Variants in ANKS1B observed in about 807,000 individuals in gnomAD.
ANKS1B encodes ankyrin repeat and sterile alpha motif domain containing 1B.
ANKS1B carries 36 observed loss-of-function variants against 148.3 expected under a neutral mutation model. That is an observed-to-expected ratio of 0.24 (90% CI 0.19 to 0.32). The LOEUF (loss-of-function observed/expected upper bound fraction) is 0.32, where lower values mean the gene tolerates loss of function less well. Ranked by LOEUF, ANKS1B falls within the 10% of genes least tolerant of loss-of-function variation. The probability of loss-of-function intolerance (pLI) is 1.00; values close to 1 mark genes in which losing one functional copy is unlikely to be tolerated. For synonymous variants in ANKS1B, 542 were observed against 560.8 expected (o/e 0.97, Z 0.47); for missense variants, 1,157 against 1,542.6 (o/e 0.75, Z 4.19).
At chr12:99,924,212 C>G (rs1033165947) in intron 1 of ANKS1B, among the ~76,000 whole-genome samples, 1 of 152,000 alleles carries the variant, frequency 6.6e-6, no homozygotes, top group Admixed American at 6.6e-5. Flanking sequence ...TTTACAGAGA[C>G]AGTGAATACA....
At chr12:99,339,518 G>A (rs938303103) in intron 12 of ANKS1B, among the ~76,000 whole-genome samples, 1 of 152,166 alleles carries the variant, frequency 6.6e-6, no homozygotes, top group East Asian at 1.9e-4. Context: ...TATAAAGGTG[G>A]TTTCTTGTGT....
At chr12:99,940,344 T>C (rs2094888327) in intron 1 of ANKS1B, among the ~76,000 whole-genome samples, 1 of 152,046 alleles carries the variant, frequency 6.6e-6, no homozygotes, top group Non-Finnish European at 1.5e-5. Flanking sequence ...AACCTCTAGA[T>C]ACAATAAGGC....
At chr12:99,957,180 AC>A (rs977347763) in intron 1 of ANKS1B, among the ~76,000 whole-genome samples, 2 of 152,204 alleles carry the variant, frequency 1.3e-5, no homozygotes, top group African/African-American at 4.8e-5. Flanking sequence ...ACTAGAACAT[AC>A]CAGGTGCTTA....
At chr12:99,660,222 T>A (rs2098469655) in intron 8 of ANKS1B, among the ~76,000 whole-genome samples, 1 of 152,198 alleles carries the variant, frequency 6.6e-6, no homozygotes, top group Non-Finnish European at 1.5e-5. Flanking sequence ...TTTCCTAGCC[T>A]CGGTCCCACA....
intron 14 of ANKS1B, among the ~76,000 whole-genome samples, chr12:99,166,108 G>T (rs530742988): frequency 5.3e-5 from 8 of 151,540 alleles, no homozygotes; most frequent in Middle Eastern, 3.4e-3. Context: ...AAAATAGAAA[G>T]AAATTTCTTA....
chr12:99,718,380 C>G (rs536482949), intron 8 of ANKS1B, among the ~76,000 whole-genome samples: 1 of 152,222 alleles, frequency 6.6e-6, no homozygotes, highest in South Asian at 2.1e-4. Context: ...TATCCCCCCA[C>G]CTTAACCCAC....
At chr12:99,942,354 G>A (rs2094940655) in intron 1 of ANKS1B, among the ~76,000 whole-genome samples, 1 of 152,180 alleles carries the variant, frequency 6.6e-6, no homozygotes, top group Non-Finnish European at 1.5e-5. Flanking sequence ...AAATGTATTA[G>A]TGATATTTGA....
At chr12:99,911,292 C>T (rs1430065541) in intron 1 of ANKS1B, among the ~76,000 whole-genome samples, 1 of 152,114 alleles carries the variant, frequency 6.6e-6, no homozygotes, top group Non-Finnish European at 1.5e-5. Context: ...AATCCCAGAA[C>T]CAAAAGCTGA....
chr12:99,711,767 C>T (rs910909800), intron 8 of ANKS1B, among the ~76,000 whole-genome samples: 1 of 152,092 alleles, frequency 6.6e-6, no homozygotes, highest in Admixed American at 6.5e-5. Context: ...ATTAGTTCAA[C>T]CATTGTGGAA....
At chr12:99,095,604 A>T (rs944529839) in intron 15 of ANKS1B, among the ~76,000 whole-genome samples, 2 of 152,222 alleles carry the variant, frequency 1.3e-5, no homozygotes, top group Admixed American at 6.5e-5. Context: ...CATCTTTTGC[A>T]TCTAAGTTGC....
chr12:99,310,706 C>T (rs757607088), intron 12 of ANKS1B, among the ~76,000 whole-genome samples: 23 of 152,200 alleles, frequency 1.5e-4, no homozygotes, highest in Non-Finnish European at 2.8e-4. Flanking sequence ...TCCAGCTTGC[C>T]GAGTCACCCT....
At chr12:99,638,461 A>T (rs1262111437) in intron 9 of ANKS1B, among the ~76,000 whole-genome samples, 2 of 152,228 alleles carry the variant, frequency 1.3e-5, no homozygotes, top group Admixed American at 6.5e-5. Context: ...ATGCTTTAGC[A>T]AAGAGACTGG....
intron 15 of ANKS1B, among the ~76,000 whole-genome samples, chr12:99,085,739 T>C (rs2051492699): frequency 6.6e-6 from 1 of 152,162 alleles, no homozygotes; most frequent in Non-Finnish European, 1.5e-5. Context: ...TGGAGGTCAT[T>C]ATCCTTAGCA....
chr12:99,807,751 C>T (rs1203050379), intron 3 of ANKS1B, among the ~76,000 whole-genome samples: 1 of 151,962 alleles, frequency 6.6e-6, no homozygotes, highest in Non-Finnish European at 1.5e-5. Flanking sequence ...ACTGGCCTTC[C>T]GTTATACAGC....
chr12:99,273,079 A>G (rs2077229766), intron 12 of ANKS1B, among the ~76,000 whole-genome samples: 1 of 152,206 alleles, frequency 6.6e-6, no homozygotes, highest in African/African-American at 2.4e-5. Flanking sequence ...GTCTGTAGAC[A>G]TTCTGAAATC....
chr12:99,643,020 A>G (rs1041477591), intron 9 of ANKS1B, among the ~76,000 whole-genome samples: 1 of 152,088 alleles, frequency 6.6e-6, no homozygotes, highest in Non-Finnish European at 1.5e-5. Flanking sequence ...CCCCCCCATC[A>G]TAAGATCCTT....
At chr12:98,823,692 A>G (rs888782771) in intron 19 of ANKS1B, among the ~76,000 whole-genome samples, 4 of 152,230 alleles carry the variant, frequency 2.6e-5, no homozygotes, top group African/African-American at 7.2e-5. Context: ...GGGTTTCGCC[A>G]TGTTGGCCAG....
rs188080322 is a variant in ANKS1B at position 99,402,338 on chromosome 12, T to G, written c.1576-2527A>C. 1.4e-5 allele frequency among the ~76,000 whole-genome samples: 2 copies of G among 146,282 alleles called. 1 individual carries two copies. The highest frequency in any genetic ancestry group is 5.2e-5 in the African/African-American group (2 of 38,542). ...TCCTTTTTTATATTTTTATTTTAAG[T>G]TCAGGGGTACATGTGCAGGTTTGTT... On this transcript the variant is annotated intron_variant, in intron 11 of 26. Transcript: ENST00000683438.
At chr12:99,313,945 G>A (rs1011319009) in intron 12 of ANKS1B, among the ~76,000 whole-genome samples, 1 of 152,120 alleles carries the variant, frequency 6.6e-6, no homozygotes, top group Non-Finnish European at 1.5e-5. Flanking sequence ...AAGAAACAAA[G>A]GGCCTTCAAA....
Sources: gnomAD v4.1 joint callset for allele counts (sites outside exome capture counted in the v4.1 genomes callset) on GRCh38, gnomAD v4.1.1 for gene constraint, MANE v1.5 for transcripts, NCBI Gene and HGNC (gene_info 2026-07-23, HGNC 2026-07-21) for gene names.